The following BCR variants were observed in gnomAD, a reference collection of about 807,000 sequenced individuals.
BCR encodes the protein breakpoint cluster region protein.
BCR carries 58 observed loss-of-function variants against 138.6 expected under a neutral mutation model. The observed-to-expected ratio is 0.42, with a 90% CI of 0.34 to 0.52. The LOEUF (loss-of-function observed/expected upper bound fraction) is 0.52. BCR is among the 20% of genes least tolerant of loss of function. The pLI is 0.06. For missense variants in BCR, 1,599 were observed against 1,727.2 expected (o/e 0.93, Z 1.32); for synonymous variants, 786 against 730.1 (o/e 1.08, Z -1.23).
At chr22:23,308,680 C>T (rs1039167965) in intron 16 of BCR, among the ~76,000 whole-genome samples, 2 of 152,198 alleles carry the variant, frequency 1.3e-5, no homozygotes, top group African/African-American at 2.4e-5. Flanking sequence ...ACCCAGGAAC[C>T]GCTGACATAG....
At chr22:23,191,466 A>AACAG (rs1244980859) in intron 1 of BCR, among the ~76,000 whole-genome samples, 4 of 151,570 alleles carry the variant, frequency 2.6e-5, no homozygotes, top group Admixed American at 2.6e-4. Flanking sequence ...ACAACAAACA[A>AACAG]ACAAAACCTT....
In BCR at chr22:23,304,017, T is replaced by C. The variant is rs904550628; in HGVS notation, c.3013-5407T>C. On this transcript the variant is annotated intron_variant, in intron 16 of 22. Transcript: ENST00000305877. The stretch of plus-strand genomic sequence containing the variant: ...TGGTGCAACCACACTCAGCACAACC[T>C]TGATGTCCCAGGCTCAAGTGCTCTT... Among the ~76,000 whole-genome samples the C allele has an allele frequency of 4.7e-5, 7 of 148,176 alleles. No homozygotes were observed. In the Admixed American group the frequency reaches 4.8e-4, roughly 10 times the overall value.
At chr22:23,290,598 C>A (rs983019536) in intron 14 of BCR, 185 bp downstream of exon 14, 3 of 628,888 alleles carry the variant, frequency 4.8e-6, no homozygotes, top group Non-Finnish European at 8.5e-6. Flanking sequence ...TTGTTTTTCC[C>A]GGAGTGGCCT....
chr22:23,265,693 T>C (rs774586862), intron 4 of BCR, among the ~76,000 whole-genome samples: 10 of 152,246 alleles, frequency 6.6e-5, no homozygotes, highest in Non-Finnish European at 1.2e-4. Context: ...AGCTCTAGTA[T>C]AGCCTTCATC....
At position 23,240,563 on chromosome 22, in the gene BCR, A is replaced by G. The variant is rs112701519; in HGVS notation, c.1280-13236A>G. ...CTAATCGGGAGGCTGAGGCAGGAGA[A>G]TGGCGTGAACCCAGGAGGCGGAGCT... On this transcript the variant is annotated intron_variant, in intron 1 of 22. Coordinates refer to ENST00000305877, the MANE Select transcript of BCR (RefSeq NM_004327.4). 2.7e-3 allele frequency among the ~76,000 whole-genome samples: 413 copies of G among 152,160 alleles called. 2 individuals are homozygous for G. Among genetic ancestry groups the G allele is most frequent in the African/African-American group, 8.1e-3 (338 of 41,498 alleles).
At chr22:23,308,346 C>T (rs1323843534) in intron 16 of BCR, among the ~76,000 whole-genome samples, 3 of 152,118 alleles carry the variant, frequency 2.0e-5, no homozygotes, top group African/African-American at 7.2e-5. Context: ...TGCTGTGTCG[C>T]CCAGGCTGGA....
intron 1 of BCR, among the ~76,000 whole-genome samples, chr22:23,222,292 C>T (rs1002816267): frequency 3.9e-5 from 6 of 152,144 alleles, no homozygotes; most frequent in African/African-American, 1.2e-4. Context: ...ACCTGCCTGG[C>T]GCGTCTTGGG....
At chr22:23,224,804 C>A (rs1207004798) in intron 1 of BCR, among the ~76,000 whole-genome samples, 1 of 152,136 alleles carries the variant, frequency 6.6e-6, no homozygotes, top group Non-Finnish European at 1.5e-5. Context: ...ATCGCTTGAA[C>A]CCAGAAGGTA....
chr22:23,233,319 C>T (rs946753263), intron 1 of BCR, among the ~76,000 whole-genome samples: 2 of 152,222 alleles, frequency 1.3e-5, no homozygotes, highest in African/African-American at 4.8e-5. Flanking sequence ...GTGGAAGCAG[C>T]CTGCGTTGCT....
intron 8 of BCR, chr22:23,283,770 A>G: frequency 5.0e-6 from 3 of 599,272 alleles, no homozygotes; most frequent in Non-Finnish European, 8.2e-6. Context: ...CAAAGAAGTT[A>G]CACATAAGCC....
At chr22:23,311,309 C>T (rs1403231452) in intron 18 of BCR, among the ~76,000 whole-genome samples, 1 of 149,930 alleles carries the variant, frequency 6.7e-6, no homozygotes, top group Non-Finnish European at 1.5e-5. Flanking sequence ...CAGGGATTCT[C>T]CTCTCACACA....
intron 1 of BCR, among the ~76,000 whole-genome samples, chr22:23,246,829 T>G (rs528722485): frequency 6.6e-6 from 1 of 152,246 alleles, no homozygotes; most frequent in East Asian, 1.9e-4. Context: ...CTTACCTCCC[T>G]GAAGCACTAC....
At chr22:23,261,141 G>A in intron 3 of BCR, 87 bp downstream of exon 3, 2 of 1,383,244 alleles carry the variant, frequency 1.4e-6, no homozygotes, top group Non-Finnish European at 2.0e-6. Context: ...TCCCAGGTCA[G>A]CTGTCAGAGC....
At chr22:23,276,834 C>T (rs181002497) in intron 8 of BCR, among the ~76,000 whole-genome samples, 1 of 152,390 alleles carries the variant, frequency 6.6e-6, no homozygotes. Flanking sequence ...TCAGGGTCCG[C>T]TCTCCCTCAC....
At chr22:23,198,896 T>G (rs2071434) in intron 1 of BCR, among the ~76,000 whole-genome samples, 44,604 of 151,804 alleles carry the variant, frequency 0.29, 6,657 homozygotes, top group East Asian at 0.35. Context: ...GAGGCTGGTG[T>G]ATCACCTGAG....
chr22:23,295,121 G>A lies in BCR; in HGVS notation c.2978G>A (p.Ser993Asn), dbSNP rs2073830956. 2 of 1,614,120 alleles carry A rather than the reference G, an allele frequency of 1.2e-6. No homozygotes were observed. Among genetic ancestry groups the A allele is most frequent in the Non-Finnish European group, 1.7e-6 (2 of 1,180,010 alleles). ...KTKIPKEDGE[S>N]TDRLMGKGQV... ...AAGATCCCCAAGGAGGACGGCGAGA[G>A]CACGGACAGACTCATGGGGAAGGGC... The change falls in exon 16 of 23, where the codon AGC (serine) becomes AAC (asparagine). Residue 993 changes from serine (S) to asparagine (N), a missense_variant. Ser to Asn is a conservative substitution (Grantham distance 46). Around this residue, in one of 4 missense-constraint regions of BCR, gnomAD observed 590 missense variants for 762.4 expected, o/e 0.77. Transcript: ENST00000305877.
intron 1 of BCR, among the ~76,000 whole-genome samples, chr22:23,235,622 G>A (rs2073014303): frequency 9.4e-6 from 1 of 106,288 alleles, no homozygotes; most frequent in Admixed American, 9.6e-5. Flanking sequence ...ATGAGGGTGT[G>A]CATGTCAGAT....
chr22:23,303,952 T>TTA (rs1555884617), intron 16 of BCR, among the ~76,000 whole-genome samples: 6 of 149,892 alleles, frequency 4.0e-5, no homozygotes, highest in Non-Finnish European at 7.4e-5. Context: ...TTTTTTTTTT[T>TTA]AAGACAGGGT....
chr22:23,284,771 C>T (rs1308070171), intron 9 of BCR, among the ~76,000 whole-genome samples: 4 of 152,184 alleles, frequency 2.6e-5, no homozygotes, highest in African/African-American at 9.7e-5. Context: ...AGCCTTCAAC[C>T]TTAGAGCCAG....
Sources: gnomAD v4.1 joint callset for allele counts (sites outside exome capture counted in the v4.1 genomes callset) on GRCh38, gnomAD v4.1.1 for gene constraint, gnomAD v4.1.1 regional missense constraint, MANE v1.5 for transcripts, NCBI Gene and HGNC (gene_info 2026-07-23, HGNC 2026-07-21) for gene names.